SLC24A3: variants seen among roughly 807,000 people sequenced by gnomAD.
SLC24A3 encodes the protein solute carrier family 24 member 3.
In SLC24A3, 28 loss-of-function variants were observed where a neutral mutation model predicts 75.8. That is an observed-to-expected ratio of 0.37 (90% CI 0.27 to 0.51). SLC24A3 has a LOEUF of 0.51. Ranked by LOEUF, SLC24A3 falls within the 20% of genes least tolerant of loss-of-function variation. The probability of loss-of-function intolerance (pLI) is 0.94; values close to 1 mark genes in which losing one functional copy is unlikely to be tolerated. For missense variants in SLC24A3, 663 were observed against 847.8 expected (o/e 0.78, Z 2.71); for synonymous variants, 372 against 334.1 (o/e 1.11, Z -1.24).
chr20:19,561,410 G>A (rs887105344), intron 3 of SLC24A3, among the ~76,000 whole-genome samples: 2 of 152,164 alleles, frequency 1.3e-5, no homozygotes, highest in Non-Finnish European at 1.5e-5. Flanking sequence ...GTGAAATCTG[G>A]TTTGGGTTTC....
intron 2 of SLC24A3, among the ~76,000 whole-genome samples, chr20:19,440,646 T>C (rs1437160221): frequency 3.3e-5 from 1 of 30,150 alleles, no homozygotes; most frequent in South Asian, 1.2e-3. Context: ...GGCCTCACTG[T>C]TTTTTTTTTT....
At chr20:19,557,870 T>C (rs543657397) in intron 3 of SLC24A3, among the ~76,000 whole-genome samples, 1 of 152,344 alleles carries the variant, frequency 6.6e-6, no homozygotes, top group East Asian at 1.9e-4. Context: ...AATGGAATGT[T>C]TTGAAATATA....
chr20:19,339,061 C>T (rs1043969683), intron 2 of SLC24A3, among the ~76,000 whole-genome samples: 4 of 152,260 alleles, frequency 2.6e-5, no homozygotes, highest in East Asian at 3.9e-4. Flanking sequence ...TGCCAAGATT[C>T]GGAAGAGCTG....
chr20:19,533,275 C>A (rs1183313183), intron 3 of SLC24A3, among the ~76,000 whole-genome samples: 1 of 152,162 alleles, frequency 6.6e-6, no homozygotes. Flanking sequence ...CAGGTGGCTT[C>A]TCTCTCTAAC....
In SLC24A3 at chr20:19,313,028, C is replaced by CTTTTTTTTT. The variant is rs747623530; in HGVS notation, c.271+31959_271+31967dup. On this transcript the variant is annotated intron_variant, in intron 2 of 16. Coordinates refer to ENST00000328041, the MANE Select transcript of SLC24A3 (RefSeq NM_020689.4). ...TTCAAGTATTCTTCCTTTTCTCTTGCTTTTTTTTTTTTTTTTTTTTTTTTT... is the reference window on the plus strand; with the variant it reads ...TTCAAGTATTCTTCCTTTTCTCTTGCTTTTTTTTTTTTTTTTTTTTTTTTTTTTTTTTTT... 6.3e-4 allele frequency among the ~76,000 whole-genome samples: 43 copies of CTTTTTTTTT among 68,322 alleles called. 3 individuals are homozygous for CTTTTTTTTT. The highest frequency in any genetic ancestry group is 2.6e-3 in the East Asian group (4 of 1,556). The allele number at this position is 68,322 out of a possible 152,430, so 44.8% of individuals were successfully genotyped here.
chr20:19,315,372 T>C (rs1010881331), intron 2 of SLC24A3, among the ~76,000 whole-genome samples: 1 of 152,170 alleles, frequency 6.6e-6, no homozygotes, highest in Non-Finnish European at 1.5e-5. Flanking sequence ...AGAGACCCCA[T>C]TCAGGTGCAA....
chr20:19,533,910 G>A (rs2030348723), intron 3 of SLC24A3, among the ~76,000 whole-genome samples: 1 of 152,212 alleles, frequency 6.6e-6, no homozygotes, highest in Non-Finnish European at 1.5e-5. Flanking sequence ...CCGGGATAAA[G>A]CCTTGTTGTA....
chr20:19,429,479 CT>C (rs1987065489), intron 2 of SLC24A3, among the ~76,000 whole-genome samples: 1 of 152,210 alleles, frequency 6.6e-6, no homozygotes, highest in Non-Finnish European at 1.5e-5. Flanking sequence ...AATACACGCA[CT>C]ATCTCTAATA....
intron 2 of SLC24A3, among the ~76,000 whole-genome samples, chr20:19,475,090 G>A (rs1437928171): frequency 6.6e-6 from 1 of 152,180 alleles, no homozygotes; most frequent in Non-Finnish European, 1.5e-5. Flanking sequence ...TGTAATCCCA[G>A]CACTTTCGGA....
chr20:19,417,326 G>C (rs1009590079), intron 2 of SLC24A3, among the ~76,000 whole-genome samples: 2 of 152,132 alleles, frequency 1.3e-5, no homozygotes, highest in African/African-American at 4.8e-5. Context: ...GTTTATCTTT[G>C]TTCTCTCCAA....
chr20:19,557,025 A>G (rs540675314), intron 3 of SLC24A3, among the ~76,000 whole-genome samples: 1 of 152,282 alleles, frequency 6.6e-6, no homozygotes, highest in South Asian at 2.1e-4. Flanking sequence ...GCTTGTCCAC[A>G]GCCCCAGCCC....
At chr20:19,480,883 G>A (rs1158944901) in intron 2 of SLC24A3, among the ~76,000 whole-genome samples, 1 of 152,192 alleles carries the variant, frequency 6.6e-6, no homozygotes, top group African/African-American at 2.4e-5. Flanking sequence ...ACTGAGTTTA[G>A]TAAGCCCAGA....
chr20:19,255,968 A>T (rs1982801645), intron 1 of SLC24A3, among the ~76,000 whole-genome samples: 1 of 152,020 alleles, frequency 6.6e-6, no homozygotes, highest in African/African-American at 2.4e-5. Context: ...GTATGGTGGC[A>T]CGTGCCTGTA....
intron 2 of SLC24A3, among the ~76,000 whole-genome samples, chr20:19,433,928 A>C (rs1987150455): frequency 6.6e-6 from 1 of 152,116 alleles, no homozygotes; most frequent in East Asian, 1.9e-4. Context: ...GGGGAGTGAG[A>C]GTCTAATAAA....
At chr20:19,595,988 T>C (rs1185287828) in intron 6 of SLC24A3, among the ~76,000 whole-genome samples, 1 of 152,020 alleles carries the variant, frequency 6.6e-6, no homozygotes, top group African/African-American at 2.4e-5. Context: ...ATAGGCCAGT[T>C]TGGAGCCTGG....
At chr20:19,423,900 C>G (rs1362365444) in intron 2 of SLC24A3, among the ~76,000 whole-genome samples, 1 of 152,126 alleles carries the variant, frequency 6.6e-6, no homozygotes, top group Non-Finnish European at 1.5e-5. Context: ...GGTAGGCACC[C>G]AAGCCTGGAG....
At chr20:19,560,765 G>T (rs2030861927) in intron 3 of SLC24A3, among the ~76,000 whole-genome samples, 1 of 152,174 alleles carries the variant, frequency 6.6e-6, no homozygotes, top group Admixed American at 6.6e-5. Context: ...CCAGACTCTA[G>T]TGGCACTGGC....
chr20:19,656,045 T>C (rs2032261786), intron 7 of SLC24A3, among the ~76,000 whole-genome samples: 1 of 152,162 alleles, frequency 6.6e-6, no homozygotes, highest in South Asian at 2.1e-4. Context: ...ATAGATCAAC[T>C]AAAGGGTCTA....
At chr20:19,590,306 G>T (rs2031357287) in intron 6 of SLC24A3, among the ~76,000 whole-genome samples, 1 of 151,932 alleles carries the variant, frequency 6.6e-6, no homozygotes, top group Non-Finnish European at 1.5e-5. Context: ...AACACAGCGG[G>T]ACACCCACAG....
Sources: gnomAD v4.1 joint callset for allele counts (sites outside exome capture counted in the v4.1 genomes callset) on GRCh38, gnomAD v4.1.1 for gene constraint, MANE v1.5 for transcripts, NCBI Gene and HGNC (gene_info 2026-07-23, HGNC 2026-07-21) for gene names.